Variants in ANKFY1 observed in about 807,000 individuals in gnomAD.
ANKFY1 encodes the protein ankyrin repeat and FYVE domain containing 1.
A neutral mutation model predicts 128.3 loss-of-function variants in ANKFY1; 47 were observed. That is an observed-to-expected ratio of 0.37 (90% CI 0.29 to 0.47). ANKFY1 has a LOEUF of 0.47. Among genes scored for constraint, ANKFY1 ranks in the 20% least tolerant of loss-of-function variants. The pLI is 1.00. For missense variants in ANKFY1, 1,222 were observed against 1,510.6 expected, an observed-to-expected ratio of 0.81 and a Z score of 3.17; for synonymous variants, 553 against 601.6, an observed-to-expected ratio of 0.92 and a Z score of 1.18.
At chr17:4,246,038 G>C (rs540749389) in intron 1 of ANKFY1, among the ~76,000 whole-genome samples, 1 of 152,080 alleles carries the variant, frequency 6.6e-6, no homozygotes, top group Non-Finnish European at 1.5e-5. Context: ...AGGACAGTCC[G>C]TCTCAAAAAA....
intron 7 of ANKFY1, among the ~76,000 whole-genome samples, chr17:4,203,845 G>GAAAAAAA (rs397932887): frequency 8.9e-6 from 1 of 112,668 alleles, no homozygotes; most frequent in Non-Finnish European, 1.8e-5. Context: ...AAAAAAAAAA[G>GAAAAAAA]AAAGAAAGAA....
chr17:4,167,805 C>T lies in ANKFY1; in HGVS notation c.3484G>A (p.Val1162Ile). ...PVRVCNICFD[V>I]LTLGGVS ...TAAGAAACCCCACCCAGAGTCAGTA[C>T]ATCAAAACAAATGTTGCAAACCCGC... Residue 1162 changes from valine to isoleucine, a missense_variant, in exon 25 of 25, where the codon GTA (valine) becomes ATA (isoleucine). Val to Ile is a conservative substitution (Grantham distance 29). Transcript: ENST00000341657. This position sits in a 1 kb window ranked among gnomAD's most constrained non-coding sequence, Gnocchi z 4.1. 1 of 1,613,838 alleles carries T rather than the reference C, an allele frequency of 6.2e-7. No individual in the cohort carries two copies. Among genetic ancestry groups the T allele is most frequent in the Non-Finnish European group, 8.5e-7 (1 of 1,179,862 alleles).
chr17:4,178,932 A>T lies in ANKFY1; in HGVS notation c.2523T>A (p.Phe841Leu). 6.2e-7 allele frequency: 1 copy of T among 1,614,260 alleles called. No homozygotes were observed. The highest frequency in any genetic ancestry group is 8.5e-7 in the Non-Finnish European group (1 of 1,180,052). ...NVRDRQGLTP[F>L]ACAMTFKNNK... ...TGTTCTTGAAAGTCATGGCACAGGC[A>T]AACGGGGTCAGCCCTTGTCTGTCTC... The change falls in exon 18 of 25, where the codon TTT (phenylalanine) becomes TTA (leucine). Residue 841 changes from phenylalanine (F) to leucine (L), a missense_variant. Transcript: ENST00000341657. The surrounding 1 kb of genome is among the most constrained non-coding windows in gnomAD (Gnocchi z 4.1).
chr17:4,216,702 A>G, intron 4 of ANKFY1: 1 of 417,106 alleles, frequency 2.4e-6, no homozygotes, highest in Non-Finnish European at 4.5e-6. Flanking sequence ...AAGTTTGGAC[A>G]TTGGATTATA....
intron 1 of ANKFY1, among the ~76,000 whole-genome samples, chr17:4,246,050 AAAC>A (rs1233090998): frequency 6.6e-6 from 1 of 152,174 alleles, no homozygotes; most frequent in Non-Finnish European, 1.5e-5. Context: ...CTCAAAAAAC[AAAC>A]AACAACAACA....
chr17:4,233,572 G>A (rs114821546), intron 3 of ANKFY1, among the ~76,000 whole-genome samples: 245 of 152,246 alleles, frequency 1.6e-3, no homozygotes, highest in African/African-American at 5.6e-3. Context: ...GACAGAGTTC[G>A]CTCACAGTTG....
intron 12 of ANKFY1, 132 bp downstream of exon 12, chr17:4,184,686 T>C: frequency 1.0e-6 from 1 of 985,776 alleles, no homozygotes; most frequent in Non-Finnish European, 1.6e-6. Context: ...TAGTTTGACC[T>C]GAAAGGATTT....
chr17:4,182,281 A>G lies in ANKFY1; in HGVS notation c.2021T>C (p.Ile674Thr). Residue 674 changes from isoleucine (I) to threonine (T), a missense_variant, in exon 15 of 25, where the codon ATA becomes ACA. Transcript: ENST00000341657. ...RNQLPLVVDA[I>T]CTRGADMSVP... is the part of the protein sequence containing the mutation. ...AGACATGTCAGCTCCTCGGGTGCATATGGCATCAACTACGAGTGGAAGCTG... is the reference window on the plus strand; with the variant it reads ...AGACATGTCAGCTCCTCGGGTGCATGTGGCATCAACTACGAGTGGAAGCTG... 1.9e-6 allele frequency: 3 copies of G among 1,595,518 alleles called. No homozygotes were observed. Among genetic ancestry groups the G allele is most frequent in the Non-Finnish European group, 2.6e-6 (3 of 1,170,362 alleles).
Position 4,195,489 on chromosome 17 carries a change from A to C in ANKFY1, c.1104-18T>G. ...AAGGAGTCCTGCGGGATCCAAAAGA[A>C]GAGGGGTCAGTTCAGGACAGGCCTG... is the stretch of plus-strand genomic sequence containing the variant. On this transcript the variant is annotated intron_variant, in intron 8 of 24. Transcript: ENST00000341657. The C allele has an allele frequency of 6.2e-7, 1 of 1,611,662 alleles. No homozygotes were observed. The highest frequency in any genetic ancestry group is 8.5e-7 in the Non-Finnish European group (1 of 1,177,820).
chr17:4,262,416 C>T (rs1280749915), intron 1 of ANKFY1, among the ~76,000 whole-genome samples: 1 of 152,168 alleles, frequency 6.6e-6, no homozygotes, highest in Non-Finnish European at 1.5e-5. Context: ...CACGTGCCAC[C>T]ACACCTGGCT....
At chr17:4,237,951 T>C (rs1966991937) in intron 2 of ANKFY1, among the ~76,000 whole-genome samples, 1 of 152,016 alleles carries the variant, frequency 6.6e-6, no homozygotes, top group South Asian at 2.1e-4. Flanking sequence ...TATAGGTTTG[T>C]TTGGTAAAAG....
chr17:4,220,066 C>A (rs554494365), intron 3 of ANKFY1, among the ~76,000 whole-genome samples: 1 of 152,198 alleles, frequency 6.6e-6, no homozygotes, highest in African/African-American at 2.4e-5. Flanking sequence ...CTCAGGTGAT[C>A]CACCTGCTTC....
chr17:4,181,138 G>T lies in ANKFY1; in HGVS notation c.2240+116C>A. 2 of 822,170 alleles carry T rather than the reference G, an allele frequency of 2.4e-6. No individual in the cohort carries two copies. Among genetic ancestry groups the T allele is most frequent in the South Asian group, 1.6e-5 (1 of 61,434 alleles). 50.9% of individuals were successfully genotyped at this position (822,170 alleles called of 1,614,324 possible). On this transcript the variant is annotated intron_variant, in intron 16 of 24. Transcript: ENST00000341657. This position sits in a 1 kb window ranked among gnomAD's most constrained non-coding sequence, Gnocchi z 4.9. ...CAGTGACTCTCTGATAACCTTAACT[G>T]TGAAAGTCAAGCCGGCTACTGGCAT...
intron 19 of ANKFY1, among the ~76,000 whole-genome samples, chr17:4,175,103 C>A (rs1022935777): frequency 1.3e-5 from 2 of 150,718 alleles, no homozygotes; most frequent in Non-Finnish European, 3.0e-5. Flanking sequence ...GAGACTGAGG[C>A]GGGCGGATTG....
chr17:4,164,061 C>T lies in ANKFY1; in HGVS notation c.*3718G>A, dbSNP rs1208468966. On this transcript the variant is annotated 3_prime_UTR_variant, in exon 25 of 25. Transcript: ENST00000341657. Reference sequence around the variant, plus strand: ...CATCACCCCACACTGAGCACCACCCCGAAGGGGCTGGAAGCCAGGTGATCC... The same window carrying T: ...CATCACCCCACACTGAGCACCACCCTGAAGGGGCTGGAAGCCAGGTGATCC... 6 of 152,806 alleles carry T rather than the reference C, an allele frequency of 3.9e-5. No homozygotes were observed. Among genetic ancestry groups the T allele is most frequent in the South Asian group, 2.1e-4 (1 of 4,830 alleles). 9.5% of individuals were successfully genotyped at this position (152,806 alleles called of 1,614,324 possible).
At chr17:4,223,709 C>A (rs1267149621) in intron 3 of ANKFY1, 43 of 1,600,280 alleles carry the variant, frequency 2.7e-5, no homozygotes, top group Middle Eastern at 3.3e-4. Flanking sequence ...AATCAACTGT[C>A]CTGATGAACC....
rs1049501198 is a variant in ANKFY1, at chr17:4,169,569, G to A, written c.3287-281C>T. Among the ~76,000 whole-genome samples, 3 of 152,226 alleles carry A rather than the reference G, an allele frequency of 2.0e-5. No individual in the cohort carries two copies. Among genetic ancestry groups the A allele is most frequent in the Non-Finnish European group, 2.9e-5 (2 of 68,050 alleles). ...GAAACACGTAGTCAGGGATGGCTGG[G>A]ATGGAAGGCACGGTAGGGAGAGAAC... On this transcript the variant is annotated intron_variant, in intron 23 of 24. Transcript: ENST00000341657. This position sits in a 1 kb window ranked among gnomAD's most constrained non-coding sequence, Gnocchi z 5.0.
rs566304310 is a variant in ANKFY1 at position 4,166,429 on chromosome 17, T to C, written c.*1350A>G. The C allele has an allele frequency of 1.7e-3, 255 of 152,798 alleles. 1 individual carries two copies. The highest frequency in any genetic ancestry group is 5.7e-3 in the African/African-American group (237 of 41,588). The allele number at this position is 152,798 out of a possible 1,614,324, so 9.5% of individuals were successfully genotyped here. A position where few individuals can be genotyped will look rare whatever the true frequency, so the allele number is the denominator to read the frequency against. ...ACATATTGTTCATCTCAGAGTTGTT[T>C]TGTTTTAAAGCCGTGGTAGATGCTT... On this transcript the variant is annotated 3_prime_UTR_variant, in exon 25 of 25. Coordinates refer to ENST00000341657, the MANE Select transcript of ANKFY1 (RefSeq NM_001330063.2).
At chr17:4,171,539 G>C (rs922703306) in intron 22 of ANKFY1, among the ~76,000 whole-genome samples, 1 of 152,296 alleles carries the variant, frequency 6.6e-6, no homozygotes, top group South Asian at 2.1e-4. Flanking sequence ...GCCTATGAGG[G>C]AGAATGCACC....
Sources: allele counts gnomAD v4.1 joint callset (sites outside exome capture counted in the v4.1 genomes callset), GRCh38; gene constraint gnomAD v4.1.1; non-coding constraint Gnocchi (gnomAD v3.1); transcripts MANE v1.5; gene names NCBI Gene and HGNC (gene_info 2026-07-23, HGNC 2026-07-21).